GARRE1: variants seen among roughly 807,000 people sequenced by gnomAD.
GARRE1 encodes granule associated Rac and RHOG effector protein 1.
Under a neutral mutation model 103.2 loss-of-function variants are expected in GARRE1, and 49 were observed. The observed-to-expected ratio is 0.47, with a 90% CI of 0.38 to 0.60. The LOEUF (loss-of-function observed/expected upper bound fraction) is 0.60. Among genes scored for constraint, GARRE1 ranks in the 20% least tolerant of loss-of-function variants. GARRE1 has a pLI of 0.00. For missense variants in GARRE1, 1,199 were observed against 1,370.5 expected (o/e 0.87, Z 1.98); for synonymous variants, 505 against 532.8 (o/e 0.95, Z 0.72).
At position 34,342,207 on chromosome 19, in the gene GARRE1, A is replaced by G. The variant is rs116475126; in HGVS notation, c.2273A>G (p.His758Arg). The change falls in exon 10 of 14, where the codon CAT (histidine) becomes CGT (arginine). Residue 758 changes from histidine (H) to arginine (R), a missense_variant. His to Arg is a conservative substitution (Grantham distance 29). Coordinates refer to ENST00000299505, the MANE Select transcript of GARRE1 (RefSeq NM_014686.5). ...CCTCGGGCACCTGGGAAATGGGTAC[A>G]TGGCTCATCCCAGCAGCCAGCGCAG... ...PQPRAPGKWV[H>R]GSSQQPAQAV... 7.4e-6 allele frequency: 12 copies of G among 1,614,188 alleles called. No homozygotes were observed. The highest frequency in any genetic ancestry group is 3.3e-5 in the Admixed American group (2 of 60,016).
chr19:34,300,829 A>G lies in GARRE1; in HGVS notation c.356A>G (p.Asp119Gly), dbSNP rs1250690682. ...TCAAAGGCAGCCACACAGCTCAAAG[A>G]TGTGCAGGAGCATGTCATGGAAGCA... Reference protein sequence around the residue: ...HYSKAATQLKDVQEHVMEAAS... With the variant: ...HYSKAATQLKGVQEHVMEAAS... Residue 119 changes from aspartate (D) to glycine (G), a missense_variant, in exon 2 of 14, where the codon GAT becomes GGT. Transcript: ENST00000299505. 6.2e-7 allele frequency: 1 copy of G among 1,614,216 alleles called. No homozygotes were observed. The highest frequency in any genetic ancestry group is 8.5e-7 in the Non-Finnish European group (1 of 1,180,042).
At chr19:34,315,910 TCTC>T (rs1457476840) in intron 2 of GARRE1, among the ~76,000 whole-genome samples, 2 of 152,144 alleles carry the variant, frequency 1.3e-5, no homozygotes, top group African/African-American at 2.4e-5. Context: ...GATGCACCCT[TCTC>T]CTCCACCATC....
In GARRE1 at chr19:34,296,261, T is replaced by C. The variant is rs914641339; in HGVS notation, c.-795-3418T>C. 33 of 665,068 alleles carry C rather than the reference T, an allele frequency of 5.0e-5. No homozygotes were observed. The South Asian group carries it at 5.5e-4, about 11-fold the overall frequency. 41.2% of individuals were successfully genotyped at this position (665,068 alleles called of 1,614,324 possible). On this transcript the variant is annotated intron_variant, in intron 1 of 13. Coordinates refer to ENST00000299505, the MANE Select transcript of GARRE1 (RefSeq NM_014686.5). ...GCAGCAGTCCTTCTGTTCTCACATT[T>C]GTAGACAGAGATATCTACTCTGAAG...
chr19:34,332,254 G>C (rs2074141298), intron 7 of GARRE1, among the ~76,000 whole-genome samples: 1 of 152,022 alleles, frequency 6.6e-6, no homozygotes, highest in Admixed American at 6.6e-5. Flanking sequence ...CCTCAGTATA[G>C]GGACCTCCAA....
chr19:34,321,461 GT>G (rs943139006), intron 3 of GARRE1, among the ~76,000 whole-genome samples: 6 of 142,244 alleles, frequency 4.2e-5, no homozygotes, highest in African/African-American at 7.7e-5. Context: ...ACTTCATGAA[GT>G]TTTTTTTTTT....
At chr19:34,284,227 C>T (rs1183594428) in intron 1 of GARRE1, among the ~76,000 whole-genome samples, 3 of 148,218 alleles carry the variant, frequency 2.0e-5, no homozygotes, top group African/African-American at 5.0e-5. Flanking sequence ...ACCTCCCAAG[C>T]GATTCTCCTG....
At chr19:34,331,492 T>C (rs190282007) in intron 7 of GARRE1, among the ~76,000 whole-genome samples, 1 of 152,308 alleles carries the variant, frequency 6.6e-6, no homozygotes, top group Admixed American at 6.5e-5. Context: ...ATACCGCTGC[T>C]GTTTATCTCT....
At chr19:34,335,778 G>A (rs1323985584) in intron 8 of GARRE1, among the ~76,000 whole-genome samples, 2 of 152,086 alleles carry the variant, frequency 1.3e-5, no homozygotes, top group African/African-American at 2.4e-5. Flanking sequence ...CACCTGCTTC[G>A]GCCTCCCAAA....
intron 1 of GARRE1, among the ~76,000 whole-genome samples, chr19:34,262,330 C>G (rs2073724029): frequency 1.1e-5 from 1 of 91,432 alleles, no homozygotes; most frequent in Non-Finnish European, 2.3e-5. Flanking sequence ...CGGAGTCTCT[C>G]TCTCACCCAG....
chr19:34,271,715 A>G (rs931127304), intron 1 of GARRE1, among the ~76,000 whole-genome samples: 4 of 151,966 alleles, frequency 2.6e-5, no homozygotes, highest in African/African-American at 4.8e-5. Flanking sequence ...AAAAAATAAA[A>G]ATTAGCTGAG....
In GARRE1 at chr19:34,353,381, C is replaced by A. The variant is rs1386712385; in HGVS notation, c.*426C>A. 1.0e-5 allele frequency: 2 copies of A among 193,820 alleles called. No individual in the cohort carries two copies. Among genetic ancestry groups the A allele is most frequent in the Non-Finnish European group, 2.1e-5 (2 of 95,346 alleles). The allele number at this position is 193,820 out of a possible 1,614,324, so 12.0% of individuals were successfully genotyped here. A position where few individuals can be genotyped will look rare whatever the true frequency, so the allele number is the denominator to read the frequency against. On this transcript the variant is annotated 3_prime_UTR_variant, in exon 14 of 14. Transcript: ENST00000299505. Reference sequence around the variant, plus strand: ...TGGAAACCCTCTCCTCCCTCCTCCACACCTTGAGTGATGACCACACCAATC... The same window carrying A: ...TGGAAACCCTCTCCTCCCTCCTCCAAACCTTGAGTGATGACCACACCAATC...
At chr19:34,288,449 A>G (rs1193283419) in intron 1 of GARRE1, among the ~76,000 whole-genome samples, 1 of 152,074 alleles carries the variant, frequency 6.6e-6, no homozygotes, top group Admixed American at 6.6e-5. Context: ...CCATTACAAA[A>G]CAGCCTCCCC....
intron 1 of GARRE1, among the ~76,000 whole-genome samples, chr19:34,264,667 G>A (rs1232710152): frequency 2.0e-5 from 3 of 152,162 alleles, no homozygotes; most frequent in Non-Finnish European, 4.4e-5. Context: ...CAAAGTGCTG[G>A]GATTATAGGT....
intron 11 of GARRE1, chr19:34,348,320 T>C (rs1312602886): frequency 3.4e-6 from 1 of 290,914 alleles, no homozygotes; most frequent in Non-Finnish European, 6.3e-6. Context: ...GGCTCTTACA[T>C]GATGGTGCTT....
At chr19:34,311,209 A>AT (rs997124825) in intron 2 of GARRE1, among the ~76,000 whole-genome samples, 6 of 151,938 alleles carry the variant, frequency 3.9e-5, no homozygotes, top group African/African-American at 1.5e-4. Flanking sequence ...CCAAGCTGCC[A>AT]TTTTTTCTTA....
At chr19:34,325,354 A>G (rs539346551) in intron 3 of GARRE1, among the ~76,000 whole-genome samples, 2 of 152,276 alleles carry the variant, frequency 1.3e-5, no homozygotes, top group South Asian at 4.1e-4. Context: ...CCCTGAGCTC[A>G]GCTGCTACCG....
chr19:34,341,073 G>A (rs1025282981), intron 9 of GARRE1, among the ~76,000 whole-genome samples: 30 of 152,148 alleles, frequency 2.0e-4, no homozygotes, highest in African/African-American at 6.5e-4. Flanking sequence ...TTGTCCCTCT[G>A]CTGCATTTGC....
At chr19:34,341,223 C>T (rs775670348) in intron 9 of GARRE1, among the ~76,000 whole-genome samples, 199 bp from the exon 10 acceptor site, 8 of 152,294 alleles carry the variant, frequency 5.3e-5, no homozygotes, top group Middle Eastern at 6.8e-3. Flanking sequence ...CCTAGCAGAA[C>T]TTCCAGTCCT....
chr19:34,255,010 C>T (rs912623329), intron 1 of GARRE1, among the ~76,000 whole-genome samples: 3 of 151,744 alleles, frequency 2.0e-5, no homozygotes, highest in Admixed American at 6.6e-5. Flanking sequence ...CGGAAGCCCG[C>T]GGAGGGAGGG....
Sources: allele counts gnomAD v4.1 joint callset (sites outside exome capture counted in the v4.1 genomes callset), GRCh38; gene constraint gnomAD v4.1.1; transcripts MANE v1.5; gene names NCBI Gene and HGNC (gene_info 2026-07-23, HGNC 2026-07-21).